The following SPAG16 variants were observed in gnomAD, a reference collection of about 807,000 sequenced individuals.
SPAG16 encodes sperm-associated antigen 16 protein.
Under a neutral mutation model 80.4 loss-of-function variants are expected in SPAG16, and 86 were observed. The observed-to-expected ratio is 1.07, with a 90% CI of 0.90 to 1.28. The LOEUF (loss-of-function observed/expected upper bound fraction) is 1.28, where lower values mean the gene tolerates loss of function less well. Among genes scored for constraint, SPAG16 ranks in the 50% most tolerant of loss-of-function variants. The pLI is 0.00. For missense variants in SPAG16, 870 were observed against 765.3 expected, an observed-to-expected ratio of 1.14 and a Z score of -1.61; for synonymous variants, 294 against 265.9, an observed-to-expected ratio of 1.11 and a Z score of -1.03.
intron 10 of SPAG16, among the ~76,000 whole-genome samples, chr2:213,747,523 G>A (rs1395191901): frequency 1.3e-5 from 2 of 152,046 alleles, no homozygotes; most frequent in Non-Finnish European, 2.9e-5. Context: ...TGCTCAATAT[G>A]GGTATACCAT....
intron 10 of SPAG16, among the ~76,000 whole-genome samples, chr2:213,702,336 T>C (rs192151714): frequency 2.0e-4 from 31 of 152,370 alleles, no homozygotes; most frequent in African/African-American, 3.6e-4. Flanking sequence ...CTTTTCATGC[T>C]GTGGAAGGTT....
chr2:214,248,871 T>G (rs1690046247), intron 15 of SPAG16, among the ~76,000 whole-genome samples: 1 of 152,136 alleles, frequency 6.6e-6, no homozygotes, highest in Non-Finnish European at 1.5e-5. Context: ...ATAGAAAAAC[T>G]GGAACGATCT....
intron 11 of SPAG16, among the ~76,000 whole-genome samples, chr2:213,910,587 C>A (rs1197601690): frequency 3.0e-5 from 1 of 33,552 alleles, no homozygotes; most frequent in African/African-American, 5.6e-5. Flanking sequence ...CTCCCGGGTT[C>A]ACGCCATTCT....
chr2:213,486,242 C>A (rs1234532098), intron 9 of SPAG16, among the ~76,000 whole-genome samples: 2 of 152,096 alleles, frequency 1.3e-5, no homozygotes, highest in African/African-American at 2.4e-5. Flanking sequence ...ATCTTTTCAG[C>A]CTTCAGTAAC....
intron 11 of SPAG16, among the ~76,000 whole-genome samples, chr2:213,927,390 T>C (rs2078531714): frequency 6.6e-6 from 1 of 152,192 alleles, no homozygotes; most frequent in Non-Finnish European, 1.5e-5. Context: ...TAAAACACAC[T>C]TTTTTGATTT....
Position 213,709,238 on chromosome 2 carries a change from A to AAAATG in SPAG16, c.1071-153246_1071-153242dup, listed in dbSNP as rs563463666. Among the ~76,000 whole-genome samples the AAAATG allele has an allele frequency of 1.2e-4, 18 of 152,294 alleles. No individual in the cohort carries two copies. The East Asian group carries it at 3.5e-3, about 29-fold the overall frequency. On this transcript the variant is annotated intron_variant, in intron 10 of 15. Transcript: ENST00000331683. The stretch of plus-strand genomic sequence containing the variant: ...AAACATCAAGTAATCTACATTTTAA[A>AAAATG]AAATGTCTTTGATCCTTTCTCGTTT...
intron 10 of SPAG16, among the ~76,000 whole-genome samples, chr2:213,601,018 G>A (rs2061042217): frequency 6.6e-6 from 1 of 152,186 alleles, no homozygotes; most frequent in Admixed American, 6.5e-5. Context: ...GTGAGATGGG[G>A]AAGTGTGGAT....
At chr2:213,843,265 T>C (rs1236505533) in intron 10 of SPAG16, among the ~76,000 whole-genome samples, 1 of 152,230 alleles carries the variant, frequency 6.6e-6, no homozygotes, top group East Asian at 1.9e-4. Context: ...AGAGGAATGC[T>C]GATTTTTGTA....
intron 10 of SPAG16, among the ~76,000 whole-genome samples, chr2:213,654,536 A>G (rs1186486029): frequency 8.2e-6 from 1 of 121,838 alleles, no homozygotes; most frequent in Non-Finnish European, 1.6e-5. Context: ...CTCTACTAAA[A>G]ATACAAAAAA....
chr2:213,361,062 T>C (rs1205524855), intron 7 of SPAG16, among the ~76,000 whole-genome samples: 2 of 152,246 alleles, frequency 1.3e-5, no homozygotes, highest in East Asian at 3.9e-4. Context: ...GATTATTATC[T>C]AGTTTGCATA....
rs539286852 is a variant in SPAG16 at position 213,659,481 on chromosome 2, T to C, written c.1070+169391T>C. 1.4e-3 allele frequency among the ~76,000 whole-genome samples: 214 copies of C among 152,254 alleles called. 2 individuals carry two copies. Among genetic ancestry groups the C allele is most frequent in the African/African-American group, 4.7e-3 (195 of 41,556 alleles). The stretch of plus-strand genomic sequence containing the variant: ...TTATAAAGTTAGGATAGTTACATCA[T>C]TTTTTAAAATATAGCATTTTTAAAG... On this transcript the variant is annotated intron_variant, in intron 10 of 15. Coordinates refer to ENST00000331683, the MANE Select transcript of SPAG16 (RefSeq NM_024532.5).
chr2:214,352,634 A>C (rs1170926917), intron 15 of SPAG16, among the ~76,000 whole-genome samples: 1 of 139,828 alleles, frequency 7.2e-6, no homozygotes, highest in Non-Finnish European at 1.5e-5. Flanking sequence ...GATATTGATT[A>C]CAGCATTGAA....
chr2:214,023,099 TA>T (rs1462773261), intron 13 of SPAG16, among the ~76,000 whole-genome samples: 3 of 151,992 alleles, frequency 2.0e-5, no homozygotes, highest in African/African-American at 7.2e-5. Context: ...TTATTTCAGA[TA>T]AACCTTCTCT....
intron 5 of SPAG16, among the ~76,000 whole-genome samples, chr2:213,328,708 T>A (rs1039588422): frequency 6.6e-6 from 1 of 152,194 alleles, no homozygotes; most frequent in Non-Finnish European, 1.5e-5. Context: ...AAACTCTGCC[T>A]TCTATCTGTA....
intron 6 of SPAG16, among the ~76,000 whole-genome samples, chr2:213,346,636 A>G (rs1340210205): frequency 1.3e-5 from 2 of 152,082 alleles, no homozygotes; most frequent in Non-Finnish European, 2.9e-5. Context: ...TAATGAGATA[A>G]TCCTATGTTT....
chr2:213,634,750 C>T (rs1652462489), intron 10 of SPAG16, among the ~76,000 whole-genome samples: 1 of 151,976 alleles, frequency 6.6e-6, no homozygotes, highest in African/African-American at 2.4e-5. Context: ...ATCTGTCATC[C>T]CTCTCCCAAC....
chr2:214,255,725 G>T (rs1005950043), intron 15 of SPAG16, among the ~76,000 whole-genome samples: 2 of 151,840 alleles, frequency 1.3e-5, no homozygotes, highest in Admixed American at 1.3e-4. Flanking sequence ...ATTAGTTTTT[G>T]ACTACAGTAA....
rs371611045 is a variant in SPAG16 at position 213,971,758 on chromosome 2, G to A, written c.1400+41613G>A. Among the ~76,000 whole-genome samples, 13 of 152,206 alleles carry A rather than the reference G, an allele frequency of 8.5e-5. No individual in the cohort carries two copies. In the East Asian group the frequency reaches 1.3e-3, roughly 16 times the overall value. ...CACATACATATGTTTAACTTTTTGA[G>A]AAACAGTGTAAGTGTTTTCCACAGT... On this transcript the variant is annotated intron_variant, in intron 12 of 15. Transcript: ENST00000331683.
intron 11 of SPAG16, among the ~76,000 whole-genome samples, chr2:213,906,253 G>A (rs999962130): frequency 4.6e-5 from 7 of 150,926 alleles, no homozygotes; most frequent in Non-Finnish European, 7.4e-5. Flanking sequence ...GAAAGCAATC[G>A]CATATACAAT....
Sources: allele counts gnomAD v4.1 joint callset (sites outside exome capture counted in the v4.1 genomes callset), GRCh38; gene constraint gnomAD v4.1.1; transcripts MANE v1.5; gene names NCBI Gene and HGNC (gene_info 2026-07-23, HGNC 2026-07-21).